The following SMYD3 variants were observed in gnomAD, a reference collection of about 807,000 sequenced individuals.
SMYD3 encodes histone-lysine N-methyltransferase SMYD3.
Under a neutral mutation model 57.7 loss-of-function variants are expected in SMYD3, and 36 were observed. The ratio of observed to expected loss-of-function variants is 0.62; its 90% CI spans 0.48 to 0.82. The LOEUF is 0.82. SMYD3 is among the 40% of genes least tolerant of loss of function. SMYD3 has a pLI of 0.00. For synonymous variants in SMYD3, 211 were observed against 195.0 expected (o/e 1.08, Z -0.68); for missense variants, 515 against 538.8 (o/e 0.96, Z 0.44).
intron 5 of SMYD3, among the ~76,000 whole-genome samples, chr1:245,999,353 C>T (rs2058993201): frequency 6.6e-6 from 1 of 152,164 alleles, no homozygotes. Context: ...AGGAATTGTT[C>T]TGGGTGCTAT....
At chr1:246,256,532 C>T (rs920475049) in intron 5 of SMYD3, among the ~76,000 whole-genome samples, 1 of 151,336 alleles carries the variant, frequency 6.6e-6, no homozygotes, top group African/African-American at 2.4e-5. Flanking sequence ...TGTAATGTCA[C>T]TTTTGTCACT....
chr1:245,983,347 C>T (rs1197879123), intron 5 of SMYD3, among the ~76,000 whole-genome samples: 2 of 152,206 alleles, frequency 1.3e-5, no homozygotes, highest in African/African-American at 4.8e-5. Context: ...AAACTAAACA[C>T]ATCAAAATGC....
chr1:245,873,925 T>G (rs148089707), intron 8 of SMYD3, among the ~76,000 whole-genome samples: 1 of 152,180 alleles, frequency 6.6e-6, no homozygotes, highest in Non-Finnish European at 1.5e-5. Flanking sequence ...CTGGCTCCGC[T>G]TGCCCAGGTG....
chr1:246,151,072 C>G (rs2061934146), intron 5 of SMYD3, among the ~76,000 whole-genome samples: 1 of 152,008 alleles, frequency 6.6e-6, no homozygotes, highest in Admixed American at 6.6e-5. Flanking sequence ...ATGGTGAAAC[C>G]CTGTCTCTAC....
At chr1:246,008,335 G>A (rs1172399744) in intron 5 of SMYD3, among the ~76,000 whole-genome samples, 1 of 152,186 alleles carries the variant, frequency 6.6e-6, no homozygotes, top group Non-Finnish European at 1.5e-5. Context: ...GGATGTCTAA[G>A]GGCTCTTGAC....
chr1:246,018,243 T>C (rs2059411122), intron 5 of SMYD3, among the ~76,000 whole-genome samples: 1 of 152,212 alleles, frequency 6.6e-6, no homozygotes, highest in African/African-American at 2.4e-5. Context: ...GTCTCTCTAA[T>C]GAACAGAGTT....
At chr1:246,239,932 A>G (rs1472105502) in intron 5 of SMYD3, among the ~76,000 whole-genome samples, 3 of 151,818 alleles carry the variant, frequency 2.0e-5, no homozygotes, top group Non-Finnish European at 4.4e-5. Flanking sequence ...CTTTTTGATG[A>G]GGTTGTTTGA....
intron 10 of SMYD3, among the ~76,000 whole-genome samples, chr1:245,805,819 T>C (rs929032708): frequency 7.2e-5 from 11 of 152,228 alleles, no homozygotes; most frequent in African/African-American, 2.7e-4. Flanking sequence ...TCTGCTGTCT[T>C]ACCTGACAAA....
chr1:246,145,340 C>G (rs1355578918), intron 5 of SMYD3, among the ~76,000 whole-genome samples: 3 of 152,172 alleles, frequency 2.0e-5, no homozygotes, highest in Non-Finnish European at 4.4e-5. Flanking sequence ...CAGCGAATAG[C>G]TCAATAAATA....
intron 10 of SMYD3, among the ~76,000 whole-genome samples, chr1:245,775,281 A>T (rs958264440): frequency 3.3e-5 from 5 of 151,886 alleles, no homozygotes; most frequent in Non-Finnish European, 7.4e-5. Context: ...GGAAGGGGGG[A>T]AGTGTGGGGA....
intron 10 of SMYD3, among the ~76,000 whole-genome samples, chr1:245,771,125 T>C (rs1417791035): frequency 6.6e-6 from 1 of 151,064 alleles, no homozygotes; most frequent in Non-Finnish European, 1.5e-5. Flanking sequence ...CACATACATA[T>C]ATATACATGT....
At chr1:246,050,419 C>A (rs1005021798) in intron 5 of SMYD3, among the ~76,000 whole-genome samples, 2 of 152,176 alleles carry the variant, frequency 1.3e-5, no homozygotes, top group African/African-American at 4.8e-5. Flanking sequence ...AAAGCCAGGC[C>A]AAACTGGGTG....
intron 5 of SMYD3, among the ~76,000 whole-genome samples, chr1:246,076,149 C>T (rs1203596893): frequency 6.6e-6 from 1 of 152,030 alleles, no homozygotes; most frequent in African/African-American, 2.4e-5. Flanking sequence ...CACATAAGTC[C>T]ACTAAAATGG....
At chr1:246,340,373 G>A (rs2065615195) in intron 2 of SMYD3, among the ~76,000 whole-genome samples, 1 of 151,354 alleles carries the variant, frequency 6.6e-6, no homozygotes, top group African/African-American at 2.4e-5. Context: ...TATACAAAAA[G>A]GCCTTACAAA....
At chr1:246,167,568 T>A (rs111914721) in intron 5 of SMYD3, among the ~76,000 whole-genome samples, 3 of 151,078 alleles carry the variant, frequency 2.0e-5, no homozygotes, top group African/African-American at 4.9e-5. Context: ...TGGAGTGCAG[T>A]GGCATGATCT....
chr1:246,022,469 G>A (rs942630208), intron 5 of SMYD3, among the ~76,000 whole-genome samples: 4 of 152,132 alleles, frequency 2.6e-5, no homozygotes, highest in Admixed American at 1.3e-4. Flanking sequence ...CTAACAGTGC[G>A]ACCTGAGGCA....
At chr1:246,089,492 C>T (rs943640961) in intron 5 of SMYD3, among the ~76,000 whole-genome samples, 3 of 152,118 alleles carry the variant, frequency 2.0e-5, no homozygotes, top group South Asian at 2.1e-4. Flanking sequence ...ATCCCTATTT[C>T]GAGCCAGAAT....
chr1:245,791,593 G>T (rs1367595461), intron 10 of SMYD3, among the ~76,000 whole-genome samples: 1 of 143,270 alleles, frequency 7.0e-6, no homozygotes, highest in Non-Finnish European at 1.5e-5. Flanking sequence ...GGAAAGGAAT[G>T]GGGGGAGAGG....
intron 5 of SMYD3, among the ~76,000 whole-genome samples, chr1:246,237,037 A>C (rs923855989): frequency 6.6e-6 from 1 of 152,204 alleles, no homozygotes; most frequent in Non-Finnish European, 1.5e-5. Flanking sequence ...TAATACATCA[A>C]GAAAAACCAC....
Sources: gnomAD v4.1 joint callset for allele counts (sites outside exome capture counted in the v4.1 genomes callset) on GRCh38, gnomAD v4.1.1 for gene constraint, MANE v1.5 for transcripts, NCBI Gene and HGNC (gene_info 2026-07-23, HGNC 2026-07-21) for gene names.